The following SLC6A4 variants were observed in gnomAD, a reference collection of about 807,000 sequenced individuals.
The protein encoded by SLC6A4 is sodium-dependent serotonin transporter.
Under a neutral mutation model 73.4 loss-of-function variants are expected in SLC6A4, and 22 were observed. The ratio of observed to expected loss-of-function variants is 0.30; its 90% CI spans 0.21 to 0.43. The LOEUF (loss-of-function observed/expected upper bound fraction) is 0.43, where lower values mean the gene tolerates loss of function less well. Among genes scored for constraint, SLC6A4 ranks in the 20% least tolerant of loss-of-function variants. SLC6A4 has a pLI of 1.00. For synonymous variants in SLC6A4, 270 were observed against 315.5 expected, an observed-to-expected ratio of 0.86 and a Z score of 1.53; for missense variants, 593 against 808.5, an observed-to-expected ratio of 0.73 and a Z score of 3.23.
chr17:30,217,891 C>G (rs1159130202), intron 5 of SLC6A4, among the ~76,000 whole-genome samples: 3 of 152,176 alleles, frequency 2.0e-5, no homozygotes, highest in Non-Finnish European at 4.4e-5. Context: ...CGCATTGGAG[C>G]AAACTGACTT....
Position 30,208,752 on chromosome 17 carries a change from C to T in SLC6A4, c.1549+391G>A, listed in dbSNP as rs997293715. ...TGTTGTCCAGACTGGAGTGCAGTGG[C>T]GCGATCTTGGCTCACTGCAACCTCT... On this transcript the variant is annotated intron_variant, in intron 12 of 14. Coordinates refer to ENST00000650711, the MANE Select transcript of SLC6A4 (RefSeq NM_001045.6). Among the ~76,000 whole-genome samples the T allele has an allele frequency of 3.9e-5, 6 of 152,110 alleles. No homozygotes were observed. The East Asian group carries it at 9.6e-4, about 24-fold the overall frequency.
At chr17:30,210,887 A>G (rs933053051) in intron 10 of SLC6A4, among the ~76,000 whole-genome samples, 2 of 152,094 alleles carry the variant, frequency 1.3e-5, no homozygotes, top group African/African-American at 4.8e-5. Context: ...ACAGAACTTC[A>G]ATATATGAGG....
At chr17:30,209,301 CAG>C (rs1906311050) in intron 11 of SLC6A4, 59 bp from the exon 12 acceptor site, 17 of 1,011,964 alleles carry the variant, frequency 1.7e-5, no homozygotes, top group Admixed American at 5.5e-5. Flanking sequence ...CTCCCAACTA[CAG>C]AGACCTGCAG....
chr17:30,225,012 A>T (rs1448691341), intron 1 of SLC6A4, among the ~76,000 whole-genome samples: 2 of 152,022 alleles, frequency 1.3e-5, no homozygotes, highest in Non-Finnish European at 2.9e-5. Flanking sequence ...TAATTTTTTA[A>T]TTAAAAAATT....
In SLC6A4 at chr17:30,215,467, G is replaced by A. The variant is rs1365386516; in HGVS notation, c.1076+144C>T. 3 of 691,530 alleles carry A rather than the reference G, an allele frequency of 4.3e-6. No individual in the cohort carries two copies. The Admixed American group carries it at 6.5e-5, about 15-fold the overall frequency. 42.8% of individuals were successfully genotyped at this position (691,530 alleles called of 1,614,324 possible). ...TCTGGCCATGGGTGAGCTGGTCAGG[G>A]GCCTGCAGCACCCCTGAGGGGCAGT... is the stretch of plus-strand genomic sequence containing the variant. On this transcript the variant is annotated intron_variant, in intron 8 of 14. Transcript: ENST00000650711.
chr17:30,212,924 G>A, intron 8 of SLC6A4, 57 bp from the exon 9 acceptor site: 7 of 1,596,608 alleles, frequency 4.4e-6, no homozygotes, highest in Admixed American at 1.7e-5. Context: ...GGGGTCTAAG[G>A]AGCATCTGTC....
intron 1 of SLC6A4, among the ~76,000 whole-genome samples, chr17:30,228,850 C>T (rs928466961): frequency 1.3e-5 from 2 of 152,328 alleles, no homozygotes; most frequent in East Asian, 1.9e-4. Flanking sequence ...ACATTTGCTT[C>T]GTGTGCCCCT....
At chr17:30,202,956 C>T (rs145300935) in intron 14 of SLC6A4, among the ~76,000 whole-genome samples, 55 of 152,346 alleles carry the variant, frequency 3.6e-4, no homozygotes, top group African/African-American at 6.0e-4. Context: ...AAATGATCAG[C>T]TCACTCTTTT....
At chr17:30,200,942 C>T (rs372682163) in intron 14 of SLC6A4, among the ~76,000 whole-genome samples, 6 of 152,198 alleles carry the variant, frequency 3.9e-5, no homozygotes, top group South Asian at 2.1e-4. Flanking sequence ...CCACCACACC[C>T]GGCTAATTTT....
At chr17:30,221,230 G>T (rs1906738831) in intron 3 of SLC6A4, among the ~76,000 whole-genome samples, 1 of 152,078 alleles carries the variant, frequency 6.6e-6, no homozygotes, top group Non-Finnish European at 1.5e-5. Flanking sequence ...ACCTGCCTCA[G>T]CCTCCCAAAG....
intron 1 of SLC6A4, among the ~76,000 whole-genome samples, chr17:30,234,787 T>C (rs1361110037): frequency 6.6e-6 from 1 of 152,218 alleles, no homozygotes; most frequent in East Asian, 1.9e-4. Context: ...ACACAAAGTC[T>C]TTGTAATGTC....
Position 30,218,800 on chromosome 17 carries a change from T to A in SLC6A4, c.475A>T (p.Lys159Ter). Residue 159 changes from lysine (K) to a stop codon, truncating the protein, a stop_gained, in exon 4 of 15, where the codon AAA becomes TAA. Coordinates refer to ENST00000650711, the MANE Select transcript of SLC6A4 (RefSeq NM_001045.6). LOFTEE classifies it high-confidence loss of function. ...CCCCACCGAGCCCTTCAGTTACCTT[T>A]GAAAATCGGGCAGATTTTCCTCCAT... ...SIWRKICPIF[K>*]GIGYAICIIA... The A allele has an allele frequency of 6.2e-7, 1 of 1,614,078 alleles. No homozygotes were observed. Among genetic ancestry groups the A allele is most frequent in the Non-Finnish European group, 8.5e-7 (1 of 1,179,984 alleles).
In SLC6A4 at chr17:30,217,244, C is replaced by T; in HGVS notation, c.759G>A (p.Trp253Ter). 1 of 1,614,070 alleles carries T rather than the reference C, an allele frequency of 6.2e-7. No individual in the cohort carries two copies. The change falls in exon 6 of 15, where the codon TGG (tryptophan) becomes TGA (stop). Residue 253 changes from tryptophan (W) to a stop codon, truncating the protein, a stop_gained. Transcript: ENST00000650711. LOFTEE classifies it high-confidence loss of function. ...TCAGCATGATGCAGAGGGCCAGCTG[C>T]CAGCTGATGCCCCCCAGGTCCTGGA... ...KGLQDLGGIS[W>*]QLALCIMLIF... is the part of the protein sequence containing the mutation.
rs543198871 is a variant in SLC6A4 at position 30,207,924 on chromosome 17, A to G, written c.1550-92T>C. The G allele has an allele frequency of 1.9e-4, 170 of 904,886 alleles. 1 individual carries two copies. In the East Asian group the frequency reaches 4.0e-3, roughly 21 times the overall value. The allele number at this position is 904,886 out of a possible 1,614,324, so 56.1% of individuals were successfully genotyped here. A position where few individuals can be genotyped will look rare whatever the true frequency, so the allele number is the denominator to read the frequency against. ...GATTCTCTGGGAGAGTCAGAGTCAC[A>G]GGATCAGCACTGGGAATGACAAGGG... On this transcript the variant is annotated intron_variant, in intron 12 of 14. Transcript: ENST00000650711.
intron 3 of SLC6A4, among the ~76,000 whole-genome samples, chr17:30,220,449 G>A (rs1906711481): frequency 6.6e-6 from 1 of 152,146 alleles, no homozygotes; most frequent in East Asian, 1.9e-4. Flanking sequence ...CTACTTGAGA[G>A]GCTTTAGGGG....
chr17:30,214,438 A>AAG (rs1175488393), intron 8 of SLC6A4, among the ~76,000 whole-genome samples: 22 of 150,226 alleles, frequency 1.5e-4, no homozygotes, highest in Admixed American at 2.6e-4. Context: ...AAAAAAAAAA[A>AAG]AAAGAAAAGA....
intron 14 of SLC6A4, among the ~76,000 whole-genome samples, chr17:30,201,991 C>G (rs926226189): frequency 6.6e-6 from 1 of 151,948 alleles, no homozygotes; most frequent in Non-Finnish European, 1.5e-5. Flanking sequence ...AGTCAGGAGG[C>G]TGAGGTGAAA....
chr17:30,222,774 T>G (rs1203108952), intron 2 of SLC6A4, 45 bp downstream of exon 2: 13 of 1,302,520 alleles, frequency 1.0e-5, no homozygotes, highest in Non-Finnish European at 1.2e-5. Context: ...GTTCCCATTA[T>G]GCATTTGCAA....
intron 5 of SLC6A4, 133 bp from the exon 6 acceptor site, chr17:30,217,437 C>T: frequency 1.2e-6 from 1 of 847,166 alleles, no homozygotes; most frequent in Non-Finnish European, 1.8e-6. Flanking sequence ...CACTGAGGCC[C>T]AGGAAGAGCT....
Sources: gnomAD v4.1 joint callset for allele counts (sites outside exome capture counted in the v4.1 genomes callset) on GRCh38, gnomAD v4.1.1 for gene constraint, MANE v1.5 for transcripts, NCBI Gene and HGNC (gene_info 2026-07-23, HGNC 2026-07-21) for gene names.